GSG1L: variants seen among roughly 807,000 people sequenced by gnomAD.
The protein encoded by GSG1L is germ cell-specific gene 1-like protein.
GSG1L carries 24 observed loss-of-function variants against 42.1 expected under a neutral mutation model. That is an observed-to-expected ratio of 0.57 (90% confidence interval 0.41 to 0.80). The LOEUF (loss-of-function observed/expected upper bound fraction) is 0.80, where lower values mean the gene tolerates loss of function less well. Ranked by LOEUF, GSG1L falls within the 30% of genes least tolerant of loss-of-function variation. The pLI, the probability that GSG1L is intolerant of heterozygous loss-of-function variation, is 0.00. For synonymous variants in GSG1L, 215 were observed against 203.5 expected, an observed-to-expected ratio of 1.06 and a Z score of -0.48; for missense variants, 445 against 472.2, an observed-to-expected ratio of 0.94 and a Z score of 0.53.
At chr16:27,794,918 C>T (rs2082801435) in intron 6 of GSG1L, among the ~76,000 whole-genome samples, 1 of 152,012 alleles carries the variant, frequency 6.6e-6, no homozygotes, top group Non-Finnish European at 1.5e-5. Flanking sequence ...GGGAAGCATT[C>T]CATAGCCCTG....
At chr16:27,887,591 C>G (rs1307174806) in intron 2 of GSG1L, among the ~76,000 whole-genome samples, 2 of 152,210 alleles carry the variant, frequency 1.3e-5, no homozygotes, top group African/African-American at 4.8e-5. Context: ...TGCCTTTGCA[C>G]AAGTTGTTCC....
chr16:27,962,522 A>G (rs934452188), intron 2 of GSG1L, among the ~76,000 whole-genome samples: 11 of 152,316 alleles, frequency 7.2e-5, no homozygotes, highest in Middle Eastern at 3.4e-3. Flanking sequence ...AAACTTTTAT[A>G]AAGGAGATAA....
rs2085272634 is a variant in GSG1L at position 27,978,205 on chromosome 16, TC to T, written c.350-15003del. On this transcript the variant is annotated intron_variant, in intron 1 of 6. Transcript: ENST00000447459. ...CGGGTCACAGCTGCCTCACTCTGGC[TC>T]ACCACTCAGGCCTGATTCCAGGAAT... Among the ~76,000 whole-genome samples, 6 of 152,282 alleles carry T rather than the reference TC, an allele frequency of 3.9e-5. 1 individual carries two copies. In the South Asian group the frequency reaches 1.2e-3, roughly 32 times the overall value.
intron 1 of GSG1L, among the ~76,000 whole-genome samples, chr16:28,009,859 C>T (rs2085692793): frequency 6.6e-6 from 1 of 152,232 alleles, no homozygotes; most frequent in South Asian, 2.1e-4. Flanking sequence ...AGCCACATAA[C>T]AAGTGAAGAA....
chr16:27,968,782 A>ATT (rs1397489388), intron 1 of GSG1L, among the ~76,000 whole-genome samples: 1 of 152,208 alleles, frequency 6.6e-6, no homozygotes, highest in Non-Finnish European at 1.5e-5. Flanking sequence ...TTATTGAGAT[A>ATT]TAATTCCCAT....
At chr16:27,799,377 A>T (rs2082857204) in intron 6 of GSG1L, among the ~76,000 whole-genome samples, 1 of 152,168 alleles carries the variant, frequency 6.6e-6, no homozygotes, top group Non-Finnish European at 1.5e-5. Flanking sequence ...CTACAAAAAA[A>T]ATTGGAAACA....
chr16:27,867,821 G>T (rs1247745424), intron 3 of GSG1L, among the ~76,000 whole-genome samples: 1 of 152,006 alleles, frequency 6.6e-6, no homozygotes, highest in African/African-American at 2.4e-5. Context: ...CGCCCCCTGA[G>T]GCCAGCCACT....
chr16:28,045,967 G>A (rs2086154046), intron 1 of GSG1L, among the ~76,000 whole-genome samples: 1 of 152,124 alleles, frequency 6.6e-6, no homozygotes, highest in Non-Finnish European at 1.5e-5. Flanking sequence ...TTGCACTCCA[G>A]CCTGGGTGAC....
intron 3 of GSG1L, among the ~76,000 whole-genome samples, chr16:27,866,998 G>C (rs2083735782): frequency 6.6e-6 from 1 of 152,176 alleles, no homozygotes; most frequent in South Asian, 2.1e-4. Flanking sequence ...GCAGAGGAGA[G>C]AGTGCCTATT....
intron 1 of GSG1L, among the ~76,000 whole-genome samples, chr16:27,978,462 G>A (rs966856558): frequency 3.0e-4 from 46 of 151,890 alleles, no homozygotes; most frequent in Non-Finnish European, 5.7e-4. Flanking sequence ...GGAAGCCAAG[G>A]TGGGCGGATC....
At position 27,972,974 on chromosome 16, in the gene GSG1L, G is replaced by A. The variant is rs561192840; in HGVS notation, c.350-9771C>T. Among the ~76,000 whole-genome samples, 19 of 152,320 alleles carry A rather than the reference G, an allele frequency of 1.2e-4. No homozygotes were observed. In the South Asian group the frequency reaches 3.9e-3, roughly 32 times the overall value. ...TGGGGCAGAATAGTTCAGTGGTCAG[G>A]GGTCTGACTTCTGGAATCAGCAGAG... On this transcript the variant is annotated intron_variant, in intron 1 of 6. Coordinates refer to ENST00000447459, the MANE Select transcript of GSG1L (RefSeq NM_001109763.2).
At chr16:27,817,109 A>G (rs2083103269) in intron 5 of GSG1L, among the ~76,000 whole-genome samples, 1 of 152,218 alleles carries the variant, frequency 6.6e-6, no homozygotes, top group South Asian at 2.1e-4. Flanking sequence ...GGAGGGTTTC[A>G]GGGAGGACCA....
At chr16:27,874,020 AT>A (rs2083855158) in intron 3 of GSG1L, among the ~76,000 whole-genome samples, 1 of 152,174 alleles carries the variant, frequency 6.6e-6, no homozygotes, top group South Asian at 2.1e-4. Flanking sequence ...CAAACTGAAC[AT>A]AGCTGGGAGA....
chr16:27,979,901 AAGAG>A (rs576316254), intron 1 of GSG1L, among the ~76,000 whole-genome samples: 14 of 151,998 alleles, frequency 9.2e-5, no homozygotes, highest in African/African-American at 2.9e-4. Context: ...AAGGAAGGAA[AAGAG>A]AGAGAGAATT....
chr16:27,951,453 C>A (rs936367361), intron 2 of GSG1L, among the ~76,000 whole-genome samples: 1 of 152,130 alleles, frequency 6.6e-6, no homozygotes, highest in Non-Finnish European at 1.5e-5. Context: ...CCAGGAGGTA[C>A]CCAGTCCCTC....
intron 3 of GSG1L, among the ~76,000 whole-genome samples, chr16:27,854,818 T>C (rs1056368490): frequency 1.3e-5 from 2 of 152,122 alleles, no homozygotes; most frequent in African/African-American, 4.8e-5. Context: ...ACCTGAAGGA[T>C]GATGGAGAGA....
chr16:27,919,992 T>G (rs1337320927), intron 2 of GSG1L, among the ~76,000 whole-genome samples: 1 of 152,182 alleles, frequency 6.6e-6, no homozygotes, highest in Non-Finnish European at 1.5e-5. Context: ...GGGGCTGAAT[T>G]GAAAAAAGAT....
At position 27,997,309 on chromosome 16, in the gene GSG1L, C is replaced by CTTTTT. The variant is rs34188570; in HGVS notation, c.350-34111_350-34107dup. Among the ~76,000 whole-genome samples the CTTTTT allele has an allele frequency of 2.8e-4, 20 of 70,670 alleles. 4 individuals carry two copies. Among genetic ancestry groups the CTTTTT allele is most frequent in the East Asian group, 6.5e-4 (1 of 1,548 alleles). 46.4% of individuals were successfully genotyped at this position (70,670 alleles called of 152,430 possible). On this transcript the variant is annotated intron_variant, in intron 1 of 6. Coordinates refer to ENST00000447459, the MANE Select transcript of GSG1L (RefSeq NM_001109763.2). Reference sequence around the variant, plus strand: ...GCCTACAGCTGGGAAGTGTTCTCCACTTTTTTTTTTTTTTTTTTTTTTTTT... The same window carrying CTTTTT: ...GCCTACAGCTGGGAAGTGTTCTCCACTTTTTTTTTTTTTTTTTTTTTTTTTTTTTT...
chr16:27,810,268 C>T (rs2083016655), intron 5 of GSG1L, among the ~76,000 whole-genome samples: 1 of 152,096 alleles, frequency 6.6e-6, no homozygotes, highest in African/African-American at 2.4e-5. Context: ...TGCTTGAGCC[C>T]AGGAGTTCGA....
Sources: gnomAD v4.1 joint callset for allele counts (sites outside exome capture counted in the v4.1 genomes callset) on GRCh38, gnomAD v4.1.1 for gene constraint, MANE v1.5 for transcripts, NCBI Gene and HGNC (gene_info 2026-07-23, HGNC 2026-07-21) for gene names.